The following RYK variants were observed in gnomAD, a reference collection of about 807,000 sequenced individuals.
RYK encodes the protein inactive tyrosine-protein kinase RYK.
In RYK, 21 loss-of-function variants were observed where a neutral mutation model predicts 70.2. The observed-to-expected ratio is 0.30, with a 90% CI of 0.21 to 0.43. The LOEUF is 0.43. Among genes scored for constraint, RYK ranks in the 20% least tolerant of loss-of-function variants. The probability of loss-of-function intolerance (pLI) is 1.00; values close to 1 mark genes in which losing one functional copy is unlikely to be tolerated. For missense variants in RYK, 604 were observed against 753.3 expected, an observed-to-expected ratio of 0.80 and a Z score of 2.32; for synonymous variants, 267 against 278.0, an observed-to-expected ratio of 0.96 and a Z score of 0.39.
intron 2 of RYK, among the ~76,000 whole-genome samples, chr3:134,221,495 G>T (rs1460278768): frequency 6.6e-6 from 1 of 151,838 alleles, no homozygotes; most frequent in African/African-American, 2.4e-5. Context: ...GAGCTACCAC[G>T]CCAGGCCTAG....
intron 2 of RYK, among the ~76,000 whole-genome samples, chr3:134,213,966 C>T (rs1018941756): frequency 6.6e-6 from 1 of 152,068 alleles, no homozygotes; most frequent in African/African-American, 2.4e-5. Flanking sequence ...GCCACTATGC[C>T]CAGCTAATTT....
intron 3 of RYK, among the ~76,000 whole-genome samples, chr3:134,211,158 C>A (rs946804285): frequency 1.3e-5 from 2 of 152,106 alleles, no homozygotes; most frequent in Admixed American, 6.5e-5. Flanking sequence ...ATGGGCTTCA[C>A]GTCACAGGGT....
chr3:134,181,150 T>C (rs1271373297), intron 10 of RYK: 1 of 152,222 alleles, frequency 6.6e-6, no homozygotes, highest in Non-Finnish European at 1.5e-5. Context: ...AACCTTTCAC[T>C]GGGGTAAGAA....
rs115008511 is a variant in RYK at position 134,230,468 on chromosome 3, T to C, written c.233-7929A>G. ...GATGAACGGATAACCAACTGTGGCA[T>C]ATATATAAATGGAATGCTAATCAGC... On this transcript the variant is annotated intron_variant, in intron 1 of 14. Transcript: ENST00000623711. Among the ~76,000 whole-genome samples the C allele has an allele frequency of 1.8e-3, 273 of 152,344 alleles. 1 individual carries two copies. Among genetic ancestry groups the C allele is most frequent in the African/African-American group, 6.2e-3 (257 of 41,572 alleles).
At position 134,158,187 on chromosome 3, in the gene RYK, G is replaced by A. The variant is rs1200565217; in HGVS notation, c.1790C>T (p.Thr597Ile). ...PKFQQLVQCL[T>I]EFHAALGAYV ...GGCCCCCAGGGCTGCATGAAACTCT[G>A]TTAGGCACTGTACCAGCTGCTGAAA... The change falls in exon 15 of 15, where the codon ACA becomes ATA. Residue 597 changes from threonine to isoleucine, a missense_variant. Thr to Ile is a moderately conservative substitution (Grantham distance 89). Around this residue, in one of 2 missense-constraint regions of RYK, gnomAD observed 138 missense variants for 217.4 expected, o/e 0.63. Transcript: ENST00000623711. 1 of 1,567,030 alleles carries A rather than the reference G, an allele frequency of 6.4e-7. No individual in the cohort carries two copies. The highest frequency in any genetic ancestry group is 8.7e-7 in the Non-Finnish European group (1 of 1,154,074).
At chr3:134,198,712 G>T (rs2013892159) in intron 6 of RYK, among the ~76,000 whole-genome samples, 1 of 152,084 alleles carries the variant, frequency 6.6e-6, no homozygotes, top group Admixed American at 6.6e-5. Context: ...GGTCATTTCT[G>T]GCACAAACTA....
At chr3:134,218,694 C>T (rs907996625) in intron 2 of RYK, among the ~76,000 whole-genome samples, 6 of 152,076 alleles carry the variant, frequency 3.9e-5, no homozygotes, top group African/African-American at 1.2e-4. Flanking sequence ...AGGCCTCCTA[C>T]GAAATCAAGA....
At chr3:134,224,339 A>C (rs1205093043) in intron 1 of RYK, among the ~76,000 whole-genome samples, 1 of 152,012 alleles carries the variant, frequency 6.6e-6, no homozygotes, top group Non-Finnish European at 1.5e-5. Context: ...TGAGGTGGAG[A>C]GAGAGAGGGG....
In RYK at chr3:134,207,498, A is replaced by C; in HGVS notation, c.617T>G (p.Leu206Trp). 2.6e-6 allele frequency: 4 copies of C among 1,542,952 alleles called. No homozygotes were observed. The highest frequency in any genetic ancestry group is 3.5e-6 in the Non-Finnish European group (4 of 1,141,372). ...KKLEEVKTSA[L>W]DKNTSRTIYD... ...AATAGTTCTGCTAGTGTTTTTGTCC[A>C]AGGCTGAAGTTTTTACTTCTTCAAG... Residue 206 changes from leucine (L) to tryptophan (W), a missense_variant, in exon 5 of 15, where the codon TTG becomes TGG. By Grantham distance (61) the Leu-to-Trp change is moderately conservative (BLOSUM62 -2). Coordinates refer to ENST00000623711, the MANE Select transcript of RYK (RefSeq NM_002958.4).
intron 10 of RYK, chr3:134,179,359 G>A (rs1019966677): frequency 6.6e-6 from 1 of 152,168 alleles, no homozygotes; most frequent in African/African-American, 2.4e-5. Context: ...GCAAAGCTGT[G>A]CGCTCCCCTC....
chr3:134,216,345 T>C (rs2014551281), intron 2 of RYK, among the ~76,000 whole-genome samples: 1 of 152,250 alleles, frequency 6.6e-6, no homozygotes, highest in Non-Finnish European at 1.5e-5. Flanking sequence ...GCTGCTGGCC[T>C]CCAGCAGTGC....
At chr3:134,167,046 G>A (rs1576501316) in intron 13 of RYK, among the ~76,000 whole-genome samples, 1 of 151,770 alleles carries the variant, frequency 6.6e-6, no homozygotes, top group East Asian at 1.9e-4. Flanking sequence ...TTAAATAATT[G>A]TTCCAAGATT....
At chr3:134,210,195 A>G (rs921603804) in intron 3 of RYK, among the ~76,000 whole-genome samples, 1 of 152,228 alleles carries the variant, frequency 6.6e-6, no homozygotes, top group Non-Finnish European at 1.5e-5. Context: ...TAACAGACAC[A>G]TCAGCAATAG....
chr3:134,205,904 C>T (rs1378410214), intron 5 of RYK, among the ~76,000 whole-genome samples: 1 of 152,148 alleles, frequency 6.6e-6, no homozygotes, highest in African/African-American at 2.4e-5. Flanking sequence ...TAACACACCA[C>T]AGACTCTCCA....
At chr3:134,186,609 A>G (rs575099228) in intron 9 of RYK, among the ~76,000 whole-genome samples, 3 of 152,360 alleles carry the variant, frequency 2.0e-5, no homozygotes, top group African/African-American at 7.2e-5. Context: ...GCTCACAGAG[A>G]ACATTATAAT....
At chr3:134,165,469 A>G (rs1316016110) in intron 13 of RYK, among the ~76,000 whole-genome samples, 1 of 152,178 alleles carries the variant, frequency 6.6e-6, no homozygotes, top group Non-Finnish European at 1.5e-5. Context: ...TCACCACTAA[A>G]TATGTTAGCT....
At chr3:134,242,709 A>G (rs1002013094) in intron 1 of RYK, among the ~76,000 whole-genome samples, 3 of 152,184 alleles carry the variant, frequency 2.0e-5, no homozygotes, top group African/African-American at 7.2e-5. Context: ...AAATACTCAC[A>G]TGTTTGATTT....
At chr3:134,204,003 CAAT>C (rs1461043192) in intron 5 of RYK, among the ~76,000 whole-genome samples, 52 of 152,274 alleles carry the variant, frequency 3.4e-4, no homozygotes, top group Admixed American at 1.2e-3. Flanking sequence ...TCTTCAACAA[CAAT>C]GTTTGGGTTA....
rs1299646414 is a variant in RYK, at chr3:134,177,830, CT to C, written c.1305+110del. The C allele has an allele frequency of 1.1e-5, 10 of 894,186 alleles. No individual in the cohort carries two copies. The Admixed American group carries it at 3.0e-4, about 27-fold the overall frequency. 55.4% of individuals were successfully genotyped at this position (894,186 alleles called of 1,614,324 possible). On this transcript the variant is annotated intron_variant, in intron 11 of 14. Transcript: ENST00000623711. ...ATATCTTGTGGTTCATTTTGAGGTT[CT>C]TTTTTGCAGGCCTCTAAACAGTTTA... is the stretch of plus-strand genomic sequence containing the variant.
Sources: allele counts gnomAD v4.1 joint callset (sites outside exome capture counted in the v4.1 genomes callset), GRCh38; gene constraint gnomAD v4.1.1; regional missense constraint gnomAD v4.1.1; transcripts MANE v1.5; gene names NCBI Gene and HGNC (gene_info 2026-07-23, HGNC 2026-07-21).